OR9Q1: variants seen among roughly 807,000 people sequenced by gnomAD.
OR9Q1 encodes olfactory receptor family 9 subfamily Q member 1, also known as olfactory receptor 9Q1.
For synonymous variants in OR9Q1, 153 were observed against 148.6 expected, an observed-to-expected ratio of 1.03 and a Z score of -0.22; for missense variants, 374 against 378.8, an observed-to-expected ratio of 0.99 and a Z score of 0.11.
chr11:58,031,779 AGGTG>A, intron 1 of OR9Q1: 2 of 1,613,948 alleles, frequency 1.2e-6, no homozygotes, highest in Non-Finnish European at 1.7e-6. Context: ...AACTTCAACA[AGGTG>A]GTATCTGTCT....
At chr11:58,167,698 C>T (rs1332462091) in intron 2 of OR9Q1, among the ~76,000 whole-genome samples, 5 of 152,090 alleles carry the variant, frequency 3.3e-5, no homozygotes, top group Non-Finnish European at 7.4e-5. Context: ...TTGGGGGTTG[C>T]CTGGCTGCAG....
intron 2 of OR9Q1, chr11:58,109,371 A>G (rs1590594963): frequency 2.2e-6 from 1 of 458,890 alleles, no homozygotes; most frequent in Non-Finnish European, 4.4e-6. Flanking sequence ...ACTGCACAGC[A>G]CGGCAGCCAT....
chr11:58,036,606 A>G (rs1326611782), intron 1 of OR9Q1, among the ~76,000 whole-genome samples: 1 of 152,198 alleles, frequency 6.6e-6, no homozygotes, highest in Non-Finnish European at 1.5e-5. Context: ...GACTCATGGG[A>G]GGAGGTCAAA....
At chr11:58,066,583 G>A (rs866678955) in intron 2 of OR9Q1, among the ~76,000 whole-genome samples, 16 of 152,166 alleles carry the variant, frequency 1.1e-4, no homozygotes, top group African/African-American at 3.9e-4. Flanking sequence ...TTATTTCCCT[G>A]GACCCCCAGC....
intron 2 of OR9Q1, among the ~76,000 whole-genome samples, chr11:58,120,380 T>C (rs1854016530): frequency 6.6e-6 from 1 of 152,158 alleles, no homozygotes; most frequent in Non-Finnish European, 1.5e-5. Flanking sequence ...TAGAAAAATA[T>C]GCTTATGTCA....
At chr11:58,106,327 AT>A (rs999058387) in intron 2 of OR9Q1, among the ~76,000 whole-genome samples, 3 of 151,748 alleles carry the variant, frequency 2.0e-5, no homozygotes, top group African/African-American at 7.3e-5. Flanking sequence ...TCCTTTGTCC[AT>A]TTTTTAATTG....
intron 2 of OR9Q1, among the ~76,000 whole-genome samples, chr11:58,110,849 G>A (rs1853892857): frequency 6.6e-6 from 1 of 152,096 alleles, no homozygotes. Flanking sequence ...TGATTGTTCT[G>A]GACTGTGATC....
At chr11:58,073,191 C>T (rs150159201) in intron 2 of OR9Q1, 30 of 225,760 alleles carry the variant, frequency 1.3e-4, no homozygotes, top group African/African-American at 6.3e-4. Context: ...GACAAACCGG[C>T]ATCCATGCTT....
chr11:58,037,630 A>T (rs1853113142), intron 1 of OR9Q1, among the ~76,000 whole-genome samples: 1 of 128,918 alleles, frequency 7.8e-6, no homozygotes, highest in South Asian at 2.4e-4. Context: ...AAAGTTTACC[A>T]TTTTGAGCTT....
At chr11:58,030,967 CA>C in intron 1 of OR9Q1, 9 of 1,613,120 alleles carry the variant, frequency 5.6e-6, no homozygotes, top group Non-Finnish European at 7.6e-6. Flanking sequence ...AACCATATAC[CA>C]AAAACTGGAC....
chr11:58,160,438 TTTG>T (rs138422584), intron 2 of OR9Q1, among the ~76,000 whole-genome samples: 31,669 of 150,028 alleles, frequency 0.21, 4,031 homozygotes, highest in African/African-American at 0.35. Flanking sequence ...GAGTAGAATA[TTTG>T]TTGTTGTTGT....
chr11:58,147,894 T>TTC (rs1854314185), intron 2 of OR9Q1, among the ~76,000 whole-genome samples: 1 of 152,210 alleles, frequency 6.6e-6, no homozygotes, highest in African/African-American at 2.4e-5. Flanking sequence ...TCTACACATA[T>TTC]TCTCTTAGAA....
intron 1 of OR9Q1, among the ~76,000 whole-genome samples, chr11:58,029,934 T>C (rs936646205): frequency 6.6e-6 from 1 of 151,604 alleles, no homozygotes; most frequent in African/African-American, 2.4e-5. Context: ...CTCTGCCTCC[T>C]GGATTCAAGT....
At position 58,180,044 on chromosome 11, in the gene OR9Q1, T is replaced by C. The variant is rs762664364; in HGVS notation, c.600T>C (p.Ile200=). The change falls in exon 3 of 3, where the codon ATT becomes ATC. Residue 200 remains isoleucine, a synonymous_variant. Transcript: ENST00000335397. ...GESYTQEVLI[I]MFAIFVIPAS... is the part of the protein sequence containing the mutation. ...GCTACACTCAAGAAGTGCTGATTATTATGTTTGCCATTTTTGTCATCCCTG... is the reference window on the plus strand; with the variant it reads ...GCTACACTCAAGAAGTGCTGATTATCATGTTTGCCATTTTTGTCATCCCTG... The C allele has an allele frequency of 6.2e-7, 1 of 1,614,080 alleles. No homozygotes were observed. Among genetic ancestry groups the C allele is most frequent in the African/African-American group, 1.3e-5 (1 of 74,922 alleles).
At chr11:58,105,381 T>C (rs940932726) in intron 2 of OR9Q1, among the ~76,000 whole-genome samples, 4 of 152,186 alleles carry the variant, frequency 2.6e-5, no homozygotes, top group African/African-American at 9.7e-5. Context: ...ATTTAATATA[T>C]AAAATGTGAT....
intron 2 of OR9Q1, chr11:58,118,890 C>T (rs772041200): frequency 2.0e-5 from 32 of 1,614,032 alleles, no homozygotes; most frequent in Non-Finnish European, 2.5e-5. Context: ...AGGCAAGCTT[C>T]AGCAGGGGTG....
At chr11:58,100,660 T>G (rs1255370666) in intron 2 of OR9Q1, among the ~76,000 whole-genome samples, 2 of 152,164 alleles carry the variant, frequency 1.3e-5, no homozygotes, top group Non-Finnish European at 2.9e-5. Context: ...TCTTATAGTT[T>G]GTGTCTACTG....
intron 1 of OR9Q1, chr11:58,031,672 G>A (rs376001783): frequency 2.3e-5 from 37 of 1,613,794 alleles, no homozygotes; most frequent in Non-Finnish European, 3.1e-5. Flanking sequence ...AGCGCTGGAA[G>A]GCCTTCTCTA....
At chr11:58,035,027 A>G (rs1387469760) in intron 1 of OR9Q1, among the ~76,000 whole-genome samples, 1 of 151,818 alleles carries the variant, frequency 6.6e-6, no homozygotes, top group Non-Finnish European at 1.5e-5. Context: ...GGGTTTCGCC[A>G]GGTTATTTTC....
Sources: allele counts gnomAD v4.1 joint callset (sites outside exome capture counted in the v4.1 genomes callset), GRCh38; gene constraint gnomAD v4.1.1; transcripts MANE v1.5; gene names NCBI Gene and HGNC (gene_info 2026-07-23, HGNC 2026-07-21).